The following NEDD4L variants were observed in gnomAD, a reference collection of about 807,000 sequenced individuals.
NEDD4L encodes NEDD4 like E3 ubiquitin protein ligase, also known as E3 ubiquitin-protein ligase NEDD4-like.
Under a neutral mutation model 148.9 loss-of-function variants are expected in NEDD4L, and 54 were observed. The ratio of observed to expected loss-of-function variants is 0.36; its 90% CI spans 0.29 to 0.45. NEDD4L has a LOEUF of 0.45. Ranked by LOEUF, NEDD4L falls within the 20% of genes least tolerant of loss-of-function variation. The pLI is 1.00. For synonymous variants in NEDD4L, 433 were observed against 440.7 expected, an observed-to-expected ratio of 0.98 and a Z score of 0.22; for missense variants, 856 against 1,233.8, an observed-to-expected ratio of 0.69 and a Z score of 4.59.
intron 5 of NEDD4L, among the ~76,000 whole-genome samples, chr18:58,301,924 A>G (rs897972822): frequency 2.0e-5 from 3 of 152,124 alleles, no homozygotes; most frequent in Non-Finnish European, 4.4e-5. Flanking sequence ...GGTGCCCACC[A>G]GTGTGCACTT....
At chr18:58,187,583 CTTTT>C (rs1199528098) in intron 2 of NEDD4L, among the ~76,000 whole-genome samples, 2 of 152,070 alleles carry the variant, frequency 1.3e-5, no homozygotes, top group Non-Finnish European at 2.9e-5. Flanking sequence ...GAAAATAGGA[CTTTT>C]TTTGTTTCCC....
chr18:58,079,165 C>T (rs970070541), intron 1 of NEDD4L, among the ~76,000 whole-genome samples: 1 of 152,066 alleles, frequency 6.6e-6, no homozygotes, highest in African/African-American at 2.4e-5. Flanking sequence ...TGGCTCAGTT[C>T]CGGGGTTTAA....
chr18:58,193,257 T>G (rs547988129), intron 2 of NEDD4L, among the ~76,000 whole-genome samples: 3 of 152,246 alleles, frequency 2.0e-5, no homozygotes, highest in Admixed American at 2.0e-4. Flanking sequence ...AATCATATAC[T>G]TAATTTCACA....
intron 1 of NEDD4L, among the ~76,000 whole-genome samples, chr18:58,100,160 G>A (rs549595): frequency 0.23 from 34,407 of 152,054 alleles, 7,712 homozygotes; most frequent in African/African-American, 0.58. Flanking sequence ...GCTCAGGGAA[G>A]TGAGTACTAT....
intron 11 of NEDD4L, among the ~76,000 whole-genome samples, chr18:58,333,405 A>G (rs1381249393): frequency 2.6e-5 from 4 of 152,202 alleles, no homozygotes; most frequent in African/African-American, 9.7e-5. Flanking sequence ...TAATCAATAA[A>G]TGTTGGGTAG....
chr18:58,164,567 G>A (rs1448413686), intron 1 of NEDD4L, among the ~76,000 whole-genome samples: 1 of 152,148 alleles, frequency 6.6e-6, no homozygotes, highest in Non-Finnish European at 1.5e-5. Flanking sequence ...CACCTCCCAG[G>A]TTCAGCAATT....
chr18:58,211,943 C>A (rs1197362686), intron 2 of NEDD4L, among the ~76,000 whole-genome samples: 1 of 152,050 alleles, frequency 6.6e-6, no homozygotes, highest in East Asian at 1.9e-4. Flanking sequence ...CAGCACAGAC[C>A]TCTATCTAAT....
intron 5 of NEDD4L, among the ~76,000 whole-genome samples, chr18:58,301,340 C>T (rs535783961): frequency 6.6e-6 from 1 of 152,222 alleles, no homozygotes; most frequent in East Asian, 1.9e-4. Context: ...AAATTGGGCG[C>T]TTTGATCAAT....
At position 58,330,290 on chromosome 18, in the gene NEDD4L, G is replaced by A. The variant is rs538681407; in HGVS notation, c.814-448G>A. Among the ~76,000 whole-genome samples the A allele has an allele frequency of 2.6e-5, 4 of 152,290 alleles. No individual in the cohort carries two copies. In the East Asian group the frequency reaches 5.8e-4, roughly 22 times the overall value. On this transcript the variant is annotated intron_variant, in intron 10 of 30. Coordinates refer to ENST00000400345, the MANE Select transcript of NEDD4L (RefSeq NM_001144967.3). Reference sequence around the variant, plus strand: ...CGTATAGCTTCTATGCTGCTCCCACGGTGAATCCTCAGTGGTTAAAAGTAA... The same window carrying A: ...CGTATAGCTTCTATGCTGCTCCCACAGTGAATCCTCAGTGGTTAAAAGTAA...
intron 1 of NEDD4L, among the ~76,000 whole-genome samples, chr18:58,096,464 C>T (rs946679229): frequency 3.3e-5 from 5 of 151,028 alleles, no homozygotes; most frequent in East Asian, 2.0e-4. Context: ...AGCGCAGTGG[C>T]GCAGTCTTGG....
chr18:58,379,508 G>A (rs1038317434), intron 24 of NEDD4L, among the ~76,000 whole-genome samples: 1 of 152,226 alleles, frequency 6.6e-6, no homozygotes, highest in Non-Finnish European at 1.5e-5. Context: ...GCTGTAGTTA[G>A]AGTGATGGTG....
intron 1 of NEDD4L, among the ~76,000 whole-genome samples, chr18:58,058,957 C>T (rs4375742): frequency 0.81 from 122,983 of 152,204 alleles, 50,251 homozygotes; most frequent in East Asian, 1. Flanking sequence ...ACCCCTTGAC[C>T]GTTTACTCCA....
At chr18:58,328,157 G>A (rs1298462936) in intron 9 of NEDD4L, among the ~76,000 whole-genome samples, 1 of 152,068 alleles carries the variant, frequency 6.6e-6, no homozygotes, top group African/African-American at 2.4e-5. Flanking sequence ...TAGAGGCGGG[G>A]TTTTGCCATG....
At chr18:58,174,810 T>C (rs896368721) in intron 2 of NEDD4L, among the ~76,000 whole-genome samples, 2 of 152,014 alleles carry the variant, frequency 1.3e-5, no homozygotes, top group Non-Finnish European at 2.9e-5. Flanking sequence ...GACCAGCAAG[T>C]AACGAGGGGA....
At chr18:58,110,822 A>G (rs906670527) in intron 1 of NEDD4L, among the ~76,000 whole-genome samples, 2 of 152,202 alleles carry the variant, frequency 1.3e-5, no homozygotes, top group Admixed American at 1.3e-4. Context: ...ATGCCTGTGC[A>G]TGTGTATGCC....
chr18:58,231,513 C>A (rs1004313807), intron 2 of NEDD4L, among the ~76,000 whole-genome samples: 10 of 152,080 alleles, frequency 6.6e-5, no homozygotes, highest in Admixed American at 5.2e-4. Context: ...TGTGAAGATA[C>A]TAGATTGACC....
intron 4 of NEDD4L, 60 bp from the exon 5 acceptor site, chr18:58,251,941 T>G: frequency 1.1e-6 from 1 of 908,402 alleles, no homozygotes; most frequent in South Asian, 1.3e-5. Flanking sequence ...TTTCTGTTCC[T>G]TACGTCGCTG....
intron 16 of NEDD4L, among the ~76,000 whole-genome samples, chr18:58,347,170 A>C (rs1002753127): frequency 7.5e-6 from 1 of 132,556 alleles, no homozygotes; most frequent in African/African-American, 3.0e-5. Context: ...CCTCCCTGAC[A>C]CTTTTCTCTA....
At chr18:58,173,245 A>C (rs2037719507) in intron 2 of NEDD4L, among the ~76,000 whole-genome samples, 1 of 152,312 alleles carries the variant, frequency 6.6e-6, no homozygotes, top group East Asian at 1.9e-4. Flanking sequence ...CAGTGGCTTC[A>C]TTTGAGCTTA....
Sources: gnomAD v4.1 joint callset for allele counts (sites outside exome capture counted in the v4.1 genomes callset) on GRCh38, gnomAD v4.1.1 for gene constraint, MANE v1.5 for transcripts, NCBI Gene and HGNC (gene_info 2026-07-23, HGNC 2026-07-21) for gene names.